Variants in H2AC7 observed in about 807,000 individuals in gnomAD.
H2AC7 encodes the protein histone H2A type 1-D.
Under a neutral mutation model 8.3 loss-of-function variants are expected in H2AC7, and 15 were observed. The observed-to-expected ratio is 1.81, with a 90% CI of 1.21 to 2.79. H2AC7 has a LOEUF of 2.79. Among genes scored for constraint, H2AC7 ranks in the 30% most tolerant of loss-of-function variants. The pLI, the probability that H2AC7 is intolerant of heterozygous loss-of-function variation, is 0.00. For missense variants in H2AC7, 283 were observed against 175.2 expected (o/e 1.62, Z -3.47); for synonymous variants, 168 against 80.1 (o/e 2.10, Z -5.86).
Position 26,198,895 on chromosome 6 carries a change from G to A in H2AC7, c.349C>T (p.Leu117Phe), listed in dbSNP as rs781111556. The change falls in exon 1 of 1, where the codon CTC becomes TTC. Residue 117 changes from leucine to phenylalanine, a missense_variant. Coordinates refer to ENST00000341023, the MANE Select transcript of H2AC7 (RefSeq NM_021065.3). ...GVLPNIQAVL[L>F]PKKTESHHKA... Reference sequence around the variant, plus strand: ...TGGTGACTCTCAGTCTTCTTGGGGAGCAGTACAGCCTGGATGTTGGGCAGA... The same window carrying A: ...TGGTGACTCTCAGTCTTCTTGGGGAACAGTACAGCCTGGATGTTGGGCAGA... 6.2e-7 allele frequency: 1 copy of A among 1,614,216 alleles called. No homozygotes were observed. The highest frequency in any genetic ancestry group is 8.5e-7 in the Non-Finnish European group (1 of 1,180,036).
In H2AC7 at chr6:26,199,214, C is replaced by G. The variant is rs117678923; in HGVS notation, c.30G>C (p.Lys10Asn). The G allele has an allele frequency of 2.5e-6, 4 of 1,607,082 alleles. No individual in the cohort carries two copies. The highest frequency in any genetic ancestry group is 3.4e-6 in the Non-Finnish European group (4 of 1,178,186). Residue 10 changes from lysine to asparagine, a missense_variant, in exon 1 of 1, where the codon AAG becomes AAC. Coordinates refer to ENST00000341023, the MANE Select transcript of H2AC7 (RefSeq NM_021065.3). MSGRGKQGGKARAKAKTRSS... is the reference protein window; with the variant it reads MSGRGKQGGNARAKAKTRSS... ...AGCGGGTCTTAGCCTTAGCTCGGGCCTTTCCGCCTTGCTTGCCGCGTCCGG... is the reference window on the plus strand; with the variant it reads ...AGCGGGTCTTAGCCTTAGCTCGGGCGTTTCCGCCTTGCTTGCCGCGTCCGG...
rs139543312 is a variant in H2AC7 at position 26,199,001 on chromosome 6, G to C, written c.243C>G (p.Pro81=). 6.2e-7 allele frequency: 1 copy of C among 1,614,180 alleles called. No individual in the cohort carries two copies. Among genetic ancestry groups the C allele is most frequent in the Non-Finnish European group, 8.5e-7 (1 of 1,180,022 alleles). Residue 81 remains proline (P), a synonymous_variant, in exon 1 of 1, where the codon CCC becomes CCG. Transcript: ENST00000341023. ...TGCGGATGGCCAGCTGCAGGTGTCG[G>C]GGGATGATGCGGGTCTTCTTGTTGT... ...ARDNKKTRII[P]RHLQLAIRND...
rs1446959609 is a variant in H2AC7, at chr6:26,198,805, TTTG to T, written c.*43_*45del. The T allele has an allele frequency of 3.8e-6, 6 of 1,583,952 alleles. No homozygotes were observed. The highest frequency in any genetic ancestry group is 2.2e-5 in the East Asian group (1 of 44,722). On this transcript the variant is annotated 3_prime_UTR_variant, in exon 1 of 1. Transcript: ENST00000341023. ...TACATGGGTGGCTCTGAAAAGAGCCTTTGTTAAGACTGCTTCCTTAAAAAGCCA... is the reference window on the plus strand; with the variant it reads ...TACATGGGTGGCTCTGAAAAGAGCCTTTAAGACTGCTTCCTTAAAAAGCCA...
Sources: allele counts gnomAD v4.1 joint callset, GRCh38; gene constraint gnomAD v4.1.1; transcripts MANE v1.5; gene names NCBI Gene and HGNC (gene_info 2026-07-23, HGNC 2026-07-21).